Variants in CSMD1 observed in about 807,000 individuals in gnomAD.
CSMD1 encodes CUB and Sushi multiple domains 1, also known as CUB and sushi domain-containing protein 1.
In CSMD1, 213 loss-of-function variants were observed where a neutral mutation model predicts 417.5. The observed-to-expected ratio is 0.51, with a 90% CI of 0.46 to 0.57. The LOEUF (loss-of-function observed/expected upper bound fraction) is 0.57, where lower values mean the gene tolerates loss of function less well. CSMD1 is among the 20% of genes least tolerant of loss of function. CSMD1 has a pLI of 0.00. For synonymous variants in CSMD1, 2,862 were observed against 1,736.8 expected, an observed-to-expected ratio of 1.65 and a Z score of -16.11; for missense variants, 6,923 against 4,529.7, an observed-to-expected ratio of 1.53 and a Z score of -15.17.
chr8:4,005,925 A>G (rs551729034), intron 4 of CSMD1, among the ~76,000 whole-genome samples: 31 of 152,322 alleles, frequency 2.0e-4, no homozygotes, highest in African/African-American at 7.5e-4. Flanking sequence ...ACTTTGCAGA[A>G]CCATGCATTT....
intron 5 of CSMD1, among the ~76,000 whole-genome samples, chr8:3,935,010 A>G (rs1268346305): frequency 6.6e-6 from 1 of 152,218 alleles, no homozygotes; most frequent in Non-Finnish European, 1.5e-5. Flanking sequence ...AATCAAGTGC[A>G]TGGAGTATCT....
chr8:3,790,622 A>G (rs142698150), intron 5 of CSMD1, among the ~76,000 whole-genome samples: 22 of 152,346 alleles, frequency 1.4e-4, no homozygotes, highest in African/African-American at 4.8e-4. Flanking sequence ...CACAATAACA[A>G]CTTATCAAAA....
intron 1 of CSMD1, among the ~76,000 whole-genome samples, chr8:4,908,383 G>C (rs953010037): frequency 3.3e-5 from 5 of 152,124 alleles, no homozygotes; most frequent in Non-Finnish European, 7.4e-5. Context: ...TCTTGGTTCT[G>C]TAGTTTAGTG....
chr8:3,374,904 T>C, intron 18 of CSMD1, among the ~76,000 whole-genome samples: 1 of 152,172 alleles, frequency 6.6e-6, no homozygotes, highest in Admixed American at 6.5e-5. Flanking sequence ...TCAGTTATTG[T>C]TGCCTGGAAC....
chr8:4,215,229 C>G (rs746176991), intron 3 of CSMD1, among the ~76,000 whole-genome samples: 1 of 152,202 alleles, frequency 6.6e-6, no homozygotes, highest in African/African-American at 2.4e-5. Flanking sequence ...GGTAGAAATT[C>G]TTGATCAGAG....
intron 10 of CSMD1, among the ~76,000 whole-genome samples, chr8:3,541,941 A>T (rs545450651): frequency 1.3e-5 from 2 of 152,238 alleles, no homozygotes; most frequent in East Asian, 3.9e-4. Flanking sequence ...TTGTACACCC[A>T]GGAGGTGGAG....
intron 1 of CSMD1, among the ~76,000 whole-genome samples, chr8:4,725,179 AAGTC>A (rs1412985067): frequency 2.6e-5 from 4 of 152,172 alleles, no homozygotes; most frequent in South Asian, 2.1e-4. Flanking sequence ...AAAACAATAA[AAGTC>A]AGAGAATAAA....
chr8:3,920,821 C>G (rs567767226), intron 5 of CSMD1, among the ~76,000 whole-genome samples: 35 of 152,216 alleles, frequency 2.3e-4, no homozygotes, highest in African/African-American at 7.9e-4. Context: ...AGCGATAAAT[C>G]TCACCTGACT....
chr8:3,382,460 AATATATT>A (rs903880149), intron 18 of CSMD1, among the ~76,000 whole-genome samples: 2 of 125,070 alleles, frequency 1.6e-5, no homozygotes, highest in Non-Finnish European at 3.4e-5. Flanking sequence ...TAATATATAT[AATATATT>A]ATATATAATC....
intron 5 of CSMD1, among the ~76,000 whole-genome samples, chr8:3,971,414 A>G (rs902332510): frequency 2.0e-5 from 3 of 152,104 alleles, no homozygotes; most frequent in Non-Finnish European, 2.9e-5. Context: ...ATGTTTTTCA[A>G]TATATTTTTT....
At chr8:3,349,820 T>C (rs1368503823) in intron 21 of CSMD1, among the ~76,000 whole-genome samples, 1 of 143,464 alleles carries the variant, frequency 7.0e-6, no homozygotes, top group Non-Finnish European at 1.5e-5. Context: ...AATATACATA[T>C]AAAATATATA....
intron 3 of CSMD1, among the ~76,000 whole-genome samples, chr8:4,233,301 T>A (rs1480354182): frequency 1.3e-5 from 2 of 152,194 alleles, no homozygotes; most frequent in Admixed American, 1.3e-4. Context: ...CAGCCACATC[T>A]CAAATTTGAA....
chr8:3,338,899 T>C (rs903277253), intron 23 of CSMD1, among the ~76,000 whole-genome samples: 1 of 151,548 alleles, frequency 6.6e-6, no homozygotes, highest in African/African-American at 2.4e-5. Flanking sequence ...GTTAGTTACA[T>C]ATGTATACAT....
At chr8:2,948,095 C>T (rs567595011) in intron 68 of CSMD1, among the ~76,000 whole-genome samples, 11 of 152,054 alleles carry the variant, frequency 7.2e-5, no homozygotes, top group African/African-American at 2.7e-4. Context: ...TAATATTCTT[C>T]TTTATAGTAA....
At chr8:4,413,548 T>TA (rs1249440729) in intron 3 of CSMD1, among the ~76,000 whole-genome samples, 2 of 152,194 alleles carry the variant, frequency 1.3e-5, no homozygotes, top group African/African-American at 4.8e-5. Context: ...CTGACAGCAC[T>TA]AATTCTTTTA....
intron 10 of CSMD1, among the ~76,000 whole-genome samples, chr8:3,522,921 A>G (rs1483622698): frequency 6.7e-6 from 1 of 150,182 alleles, no homozygotes; most frequent in South Asian, 2.1e-4. Flanking sequence ...TGTATAAAAT[A>G]TCAATATATT....
At chr8:3,738,057 C>A (rs1796612782) in intron 6 of CSMD1, among the ~76,000 whole-genome samples, 1 of 152,200 alleles carries the variant, frequency 6.6e-6, no homozygotes, top group South Asian at 2.1e-4. Context: ...AAGTTTCAAA[C>A]ACTAATGTAA....
chr8:3,266,756 A>T (rs1466686663), intron 26 of CSMD1, among the ~76,000 whole-genome samples: 3 of 150,084 alleles, frequency 2.0e-5, no homozygotes. Context: ...GCCTGGGCGA[A>T]AGAGTGAGAC....
chr8:3,653,071 G>C (rs533418568), intron 7 of CSMD1, among the ~76,000 whole-genome samples: 42 of 152,146 alleles, frequency 2.8e-4, no homozygotes, highest in African/African-American at 9.6e-4. Context: ...ACTCAGTAAA[G>C]ACTCATTCAT....
Sources: gnomAD v4.1 joint callset for allele counts (sites outside exome capture counted in the v4.1 genomes callset) on GRCh38, gnomAD v4.1.1 for gene constraint, MANE v1.5 for transcripts, NCBI Gene and HGNC (gene_info 2026-07-23, HGNC 2026-07-21) for gene names.